Variants in ZNF638 observed in about 807,000 individuals in gnomAD.
The protein encoded by ZNF638 is CTCL tumor antigen se33-1.
A neutral mutation model predicts 195.6 loss-of-function variants in ZNF638; 46 were observed. That is an observed-to-expected ratio of 0.24 (90% CI 0.19 to 0.30). The LOEUF is 0.30. Ranked by LOEUF, ZNF638 falls within the 10% of genes least tolerant of loss-of-function variation. ZNF638 has a pLI of 1.00. For missense variants in ZNF638, 2,440 were observed against 2,325.3 expected (o/e 1.05, Z -1.01); for synonymous variants, 845 against 772.0 (o/e 1.09, Z -1.57).
chr2:71,427,560 T>G, intron 24 of ZNF638, 146 bp downstream of exon 24: 1 of 571,480 alleles, frequency 1.7e-6, no homozygotes, highest in Non-Finnish European at 2.7e-6. Context: ...ACAATAAATT[T>G]TCCAAAGAAA....
chr2:71,349,833 G>A lies in ZNF638; in HGVS notation c.879G>A (p.Met293Ile), dbSNP rs141176451. 16 of 1,614,050 alleles carry A rather than the reference G, an allele frequency of 9.9e-6. No homozygotes were observed. Among genetic ancestry groups the A allele is most frequent in the African/African-American group, 9.3e-5 (7 of 74,916 alleles). The change falls in exon 2 of 28, where the codon ATG becomes ATA. Residue 293 changes from methionine (M) to isoleucine (I), a missense_variant. Met to Ile is a conservative substitution (Grantham distance 10). Coordinates refer to ENST00000264447, the MANE Select transcript of ZNF638 (RefSeq NM_014497.5). Reference sequence around the variant, plus strand: ...TCTCAGTTGAGAGTGGAACCAAGATGTCAGGCTTACACATTTCAGGAGGAC... The same window carrying A: ...TCTCAGTTGAGAGTGGAACCAAGATATCAGGCTTACACATTTCAGGAGGAC... Reference protein sequence around the residue: ...SFFSVESGTKMSGLHISGGQS... With the variant: ...SFFSVESGTKISGLHISGGQS...
chr2:71,432,314 C>T (rs2080682175), intron 26 of ZNF638, among the ~76,000 whole-genome samples: 1 of 152,216 alleles, frequency 6.6e-6, no homozygotes, highest in South Asian at 2.1e-4. Flanking sequence ...AATCCTCTCA[C>T]CTCAGCCTCA....
chr2:71,361,806 A>C (rs1423767820), intron 3 of ZNF638: 4 of 53,788 alleles, frequency 7.4e-5, no homozygotes, highest in Non-Finnish European at 1.5e-4. Flanking sequence ...TGGGAAAGCA[A>C]ATATTTAGCT....
chr2:71,393,290 A>C, intron 10 of ZNF638: 1 of 627,284 alleles, frequency 1.6e-6, no homozygotes, highest in South Asian at 1.9e-5. Flanking sequence ...TCAAGACATA[A>C]AACCCGCAGT....
At position 71,423,758 on chromosome 2, in the gene ZNF638, A is replaced by G. The variant is rs1400016720; in HGVS notation, c.4244A>G (p.Lys1415Arg). 1.9e-6 allele frequency: 3 copies of G among 1,614,006 alleles called. No homozygotes were observed. The highest frequency in any genetic ancestry group is 2.5e-6 in the Non-Finnish European group (3 of 1,180,006). ...ACAGTTTCAAAAACTGAAAATCAGA[A>G]AAGTTTTCCAAAATCTGTGCCCAGA... ...KATVSKTENQ[K>R]SFPKSVPRDQ... The change falls in exon 22 of 28, where the codon AAA (lysine) becomes AGA (arginine). Residue 1415 changes from lysine to arginine, a missense_variant. Around this residue, in one of 5 missense-constraint regions of ZNF638, gnomAD observed 1,883 missense variants for 1,739.1 expected, o/e 1.08. Transcript: ENST00000264447.
Position 71,355,760 on chromosome 2 carries a change from C to A in ZNF638, c.1359C>A (p.Ser453Arg). The A allele has an allele frequency of 1.3e-6, 2 of 1,595,108 alleles. No homozygotes were observed. The highest frequency in any genetic ancestry group is 1.7e-6 in the Non-Finnish European group (2 of 1,170,566). The change falls in exon 3 of 28, where the codon AGC becomes AGA. Residue 453 changes from serine (S) to arginine (R), a missense_variant. This residue lies in a region of ZNF638 where 37 missense variants were observed against 75.7 expected (regional missense o/e 0.49). Transcript: ENST00000264447. ...QHQNTSTHIESCRQLRQQYPD... is the reference protein window; with the variant it reads ...QHQNTSTHIERCRQLRQQYPD... ...AAAATACATCTACTCATATTGAGAG[C>A]TGTCGACAGTTACGTCAACAGTAAG...
At chr2:71,388,478 T>C (rs1178804094) in intron 10 of ZNF638, 12 of 694,268 alleles carry the variant, frequency 1.7e-5, no homozygotes, top group South Asian at 9.0e-5. Flanking sequence ...CCTTTGTCAT[T>C]AAATCTGTAC....
At chr2:71,380,459 T>G in intron 9 of ZNF638, 54 bp from the exon 10 acceptor site, 1 of 1,482,704 alleles carries the variant, frequency 6.7e-7, no homozygotes, top group Non-Finnish European at 9.2e-7. Context: ...TTTTAGGATT[T>G]TGTAGAACTT....
chr2:71,352,335 G>A (rs1031443514), intron 2 of ZNF638, among the ~76,000 whole-genome samples: 14 of 151,846 alleles, frequency 9.2e-5, no homozygotes, highest in African/African-American at 2.9e-4. Context: ...AGAATTAGCC[G>A]GGTGTGGTCA....
intron 10 of ZNF638, among the ~76,000 whole-genome samples, chr2:71,384,937 G>T (rs907014472): frequency 2.0e-5 from 3 of 152,088 alleles, no homozygotes; most frequent in Admixed American, 6.5e-5. Context: ...TTGCTCACCT[G>T]TGGGAACTCC....
chr2:71,375,338 G>A (rs1031919155), intron 8 of ZNF638: 16 of 152,320 alleles, frequency 1.1e-4, no homozygotes, highest in Admixed American at 3.9e-4. Flanking sequence ...TCCAGTGCTC[G>A]TGCAACAGCT....
rs1229699690 is a variant in ZNF638, at chr2:71,370,015, A to G, written c.2265+10A>G. The G allele has an allele frequency of 6.3e-7, 1 of 1,584,248 alleles. No individual in the cohort carries two copies. The highest frequency in any genetic ancestry group is 8.5e-7 in the Non-Finnish European group (1 of 1,172,036). On this transcript the variant is annotated intron_variant, in intron 8 of 27. Transcript: ENST00000264447. ...AAAGAAAAAAGCACAGGTAATCTGGATTTAGGTCTTAAATGTTTTATCACT... is the reference window on the plus strand; with the variant it reads ...AAAGAAAAAAGCACAGGTAATCTGGGTTTAGGTCTTAAATGTTTTATCACT...
At chr2:71,337,310 A>G (rs1043103994) in intron 1 of ZNF638, among the ~76,000 whole-genome samples, 1 of 152,184 alleles carries the variant, frequency 6.6e-6, no homozygotes, top group Non-Finnish European at 1.5e-5. Flanking sequence ...ATTAAGTTGC[A>G]TATATTGTGG....
intron 10 of ZNF638, among the ~76,000 whole-genome samples, chr2:71,384,087 T>G (rs1246984684): frequency 1.3e-5 from 2 of 152,190 alleles, no homozygotes; most frequent in Non-Finnish European, 2.9e-5. Context: ...AATTCAGATT[T>G]AGATAACATC....
chr2:71,332,585 G>C (rs955948376), intron 1 of ZNF638, among the ~76,000 whole-genome samples: 1 of 152,192 alleles, frequency 6.6e-6, no homozygotes, highest in Non-Finnish European at 1.5e-5. Context: ...TTTCTCAGAG[G>C]AATTGTGAAA....
chr2:71,426,839 A>G lies in ZNF638; in HGVS notation c.4970A>G (p.His1657Arg), dbSNP rs367893130. Residue 1657 changes from histidine to arginine, a missense_variant, in exon 24 of 28, where the codon CAC becomes CGC. His to Arg is a conservative substitution (Grantham distance 29, BLOSUM62 0). Transcript: ENST00000264447. ...ELIDQDDCIS[H>R]SEPKDVTVLS... ...ATTGACCAAGATGATTGCATTTCCC[A>G]CAGTGAACCTAAAGATGTTACTGTT... 3.7e-6 allele frequency: 6 copies of G among 1,613,646 alleles called. No individual in the cohort carries two copies. In the East Asian group the frequency reaches 1.3e-4, roughly 36 times the overall value.
rs762178516 is a variant in ZNF638, at chr2:71,364,113, CCAT to C, written c.1580_1582del (p.His527del). 1.9e-6 allele frequency: 3 copies of C among 1,614,110 alleles called. No homozygotes were observed. The highest frequency in any genetic ancestry group is 2.5e-6 in the Non-Finnish European group (3 of 1,180,020). Reference sequence around the variant, plus strand: ...CGAGAAGTCGAAGTCCAAGAATTTGCCATCGTTTCATTTCTAGATACAGATCCA... The same window carrying C: ...CGAGAAGTCGAAGTCCAAGAATTTGCCGTTTCATTTCTAGATACAGATCCA... On this transcript the variant is annotated inframe_deletion, in exon 5 of 28. Coordinates refer to ENST00000264447, the MANE Select transcript of ZNF638 (RefSeq NM_014497.5).
intron 20 of ZNF638, chr2:71,418,315 A>G (rs2080347530): frequency 4.1e-6 from 1 of 241,860 alleles, no homozygotes; most frequent in Admixed American, 5.5e-5. Flanking sequence ...GGGAAAAGAT[A>G]GAATTTCCAG....
intron 2 of ZNF638, among the ~76,000 whole-genome samples, chr2:71,352,929 AAC>A (rs1379841232): frequency 6.6e-6 from 1 of 152,196 alleles, no homozygotes; most frequent in Non-Finnish European, 1.5e-5. Flanking sequence ...GCCATTAAAA[AAC>A]AGACACACCT....
Sources: gnomAD v4.1 joint callset for allele counts (sites outside exome capture counted in the v4.1 genomes callset) on GRCh38, gnomAD v4.1.1 for gene constraint, gnomAD v4.1.1 regional missense constraint, MANE v1.5 for transcripts, NCBI Gene and HGNC (gene_info 2026-07-23, HGNC 2026-07-21) for gene names.